The following ESRRA variants were observed in gnomAD, a reference collection of about 807,000 sequenced individuals.
The protein encoded by ESRRA is estrogen related receptor alpha.
In ESRRA, 7 loss-of-function variants were observed where a neutral mutation model predicts 35.6. The observed-to-expected ratio is 0.20, with a 90% CI of 0.11 to 0.37. The LOEUF (loss-of-function observed/expected upper bound fraction) is 0.37, where lower values mean the gene tolerates loss of function less well. ESRRA is among the 10% of genes least tolerant of loss of function. ESRRA has a pLI of 1.00. For missense variants in ESRRA, 378 were observed against 561.7 expected (o/e 0.67, Z 3.31); for synonymous variants, 223 against 246.9 (o/e 0.90, Z 0.91).
intron 4 of ESRRA, 38 bp from the exon 5 acceptor site, chr11:64,314,703 T>C: frequency 6.3e-7 from 1 of 1,583,856 alleles, no homozygotes; most frequent in Non-Finnish European, 8.6e-7. Flanking sequence ...GCCTGACAGA[T>C]TCGAGTGCTC....
intron 2 of ESRRA, among the ~76,000 whole-genome samples, chr11:64,308,885 C>T (rs1261434709): frequency 2.7e-5 from 4 of 150,186 alleles, no homozygotes; most frequent in Admixed American, 2.7e-4. Context: ...GAGGCCGAGA[C>T]GGGCGGATCA....
intron 2 of ESRRA, among the ~76,000 whole-genome samples, chr11:64,312,511 T>C (rs1271901348): frequency 6.6e-6 from 1 of 152,178 alleles, no homozygotes; most frequent in African/African-American, 2.4e-5. Context: ...AGAAATGTGC[T>C]GCGGGCCTGC....
chr11:64,306,383 G>A (rs2035032863), intron 1 of ESRRA: 1 of 152,348 alleles, frequency 6.6e-6, no homozygotes, highest in Non-Finnish European at 1.5e-5. Context: ...GTCGCGAGGA[G>A]GTGGAGCGGC....
intron 2 of ESRRA, among the ~76,000 whole-genome samples, chr11:64,310,427 G>C (rs1372001997): frequency 6.6e-6 from 1 of 151,430 alleles, no homozygotes; most frequent in Non-Finnish European, 1.5e-5. Flanking sequence ...GTAGAGACGG[G>C]GTTTCAGCGT....
intron 6 of ESRRA, 33 bp downstream of exon 6, chr11:64,315,303 G>A: frequency 6.6e-7 from 1 of 1,525,458 alleles, no homozygotes; most frequent in Non-Finnish European, 8.8e-7. Context: ...CAGGTGAGGT[G>A]TCTCCGTAAG....
intron 2 of ESRRA, among the ~76,000 whole-genome samples, chr11:64,307,770 C>T (rs1464481279): frequency 1.3e-5 from 2 of 152,166 alleles, no homozygotes; most frequent in African/African-American, 4.8e-5. Flanking sequence ...TGAAAGAGTC[C>T]AAGGCAGCCT....
In ESRRA at chr11:64,314,297, G is replaced by A; in HGVS notation, c.501G>A (p.Val167=). 6.2e-7 allele frequency: 1 copy of A among 1,611,256 alleles called. No individual in the cohort carries two copies. The highest frequency in any genetic ancestry group is 1.1e-5 in the South Asian group (1 of 90,638). The change falls in exon 4 of 7, where the codon GTG becomes GTA. Residue 167 remains valine (V), a synonymous_variant. Transcript: ENST00000000442. ...AGAAGTACAAGCGGCGGCCGGAGGT[G>A]GACCCACTGCCCTTCCCGGGCCCCT... The part of the protein sequence containing the change: ...GRQKYKRRPE[V]DPLPFPGPFP...
rs1364600564 is a variant in ESRRA at position 64,316,725 on chromosome 11, A to G, written c.*759A>G. The G allele has an allele frequency of 3.1e-5, 20 of 649,656 alleles. No individual in the cohort carries two copies. Among genetic ancestry groups the G allele is most frequent in the Middle Eastern group, 4.2e-4 (1 of 2,386 alleles). 40.2% of individuals were successfully genotyped at this position (649,656 alleles called of 1,614,324 possible). A position where few individuals can be genotyped will look rare whatever the true frequency, so the allele number is the denominator to read the frequency against. Reference sequence around the variant, plus strand: ...TAAACCTTTAATGAGAAAAAAATATATAATACCGAGCTCAAAAACACTGTG... The same window carrying G: ...TAAACCTTTAATGAGAAAAAAATATGTAATACCGAGCTCAAAAACACTGTG... On this transcript the variant is annotated 3_prime_UTR_variant, in exon 7 of 7. Transcript: ENST00000000442.
chr11:64,309,932 C>CAAA (rs35187370), intron 2 of ESRRA, among the ~76,000 whole-genome samples: 4 of 74,536 alleles, frequency 5.4e-5, no homozygotes, highest in African/African-American at 9.8e-5. Flanking sequence ...GAGTTCGTAT[C>CAAA]AAAAAAAAAA....
Position 64,314,416 on chromosome 11 carries a change from T to C in ESRRA, c.571+49T>C, listed in dbSNP as rs761632781. On this transcript the variant is annotated intron_variant, in intron 4 of 6. Transcript: ENST00000000442. ...GGCTACGAAACCGGAGGCCTATGTGTGGCATCATAGTTACCTTGGGCACTG... is the reference window on the plus strand; with the variant it reads ...GGCTACGAAACCGGAGGCCTATGTGCGGCATCATAGTTACCTTGGGCACTG... 2.7e-6 allele frequency: 4 copies of C among 1,492,692 alleles called. No homozygotes were observed. The South Asian group carries it at 5.2e-5, about 19-fold the overall frequency. 92.5% of individuals were successfully genotyped at this position (1,492,692 alleles called of 1,614,324 possible). A position where few individuals can be genotyped will look rare whatever the true frequency, so the allele number is the denominator to read the frequency against.
At position 64,305,593 on chromosome 11, in the gene ESRRA, C is replaced by G. The variant is rs1591237499; in HGVS notation, c.-156C>G. On this transcript the variant is annotated 5_prime_UTR_variant, in exon 1 of 7. Transcript: ENST00000000442. The surrounding 1 kb of genome is among the most constrained non-coding windows in gnomAD (Gnocchi z 5.8). ...TGTGTCCTACAAGCAGCCGGCGGCG[C>G]CGCCGAGTGAGGGGACGCGGCGCGG... The G allele has an allele frequency of 6.6e-6, 1 of 151,228 alleles. No individual in the cohort carries two copies. Among genetic ancestry groups the G allele is most frequent in the Non-Finnish European group, 1.5e-5 (1 of 67,796 alleles). 9.4% of individuals were successfully genotyped at this position (151,228 alleles called of 1,614,324 possible).
In ESRRA at chr11:64,307,198, G is replaced by C. The variant is rs2035051562; in HGVS notation, c.19G>C (p.Gly7Arg). 1 of 1,588,892 alleles carries C rather than the reference G, an allele frequency of 6.3e-7. No individual in the cohort carries two copies. The highest frequency in any genetic ancestry group is 8.6e-7 in the Non-Finnish European group (1 of 1,162,882). The change falls in exon 2 of 7, where the codon GGC (glycine) becomes CGC (arginine). Residue 7 changes from glycine to arginine, a missense_variant. Gly to Arg is a moderately radical substitution (Grantham distance 125). Transcript: ENST00000000442. MSSQVV[G>R]IEPLYIKAEP... ...CAGCGCCATGTCCAGCCAGGTGGTGGGCATTGAGCCTCTCTACATCAAGGC... is the reference window on the plus strand; with the variant it reads ...CAGCGCCATGTCCAGCCAGGTGGTGCGCATTGAGCCTCTCTACATCAAGGC...
At position 64,307,500 on chromosome 11, in the gene ESRRA, C is replaced by A; in HGVS notation, c.321C>A (p.Ile107=). 1 of 1,506,708 alleles carries A rather than the reference C, an allele frequency of 6.6e-7. No homozygotes were observed. Among genetic ancestry groups the A allele is most frequent in the Non-Finnish European group, 8.9e-7 (1 of 1,126,210 alleles). 93.3% of individuals were successfully genotyped at this position (1,506,708 alleles called of 1,614,324 possible). Residue 107 remains isoleucine (I), a synonymous_variant, in exon 2 of 7, where the codon ATC becomes ATA. Transcript: ENST00000000442. The part of the protein sequence containing the change: ...EACKAFFKRT[I]QGSIEYSCPA... ...GCAAAGCCTTCTTCAAGAGGACCATCCAGGGTGAGCCCCCAGCCCACTCCC... is the reference window on the plus strand; with the variant it reads ...GCAAAGCCTTCTTCAAGAGGACCATACAGGGTGAGCCCCCAGCCCACTCCC...
chr11:64,315,668 G>C (rs995656181), intron 6 of ESRRA, 39 bp from the exon 7 acceptor site: 5 of 1,607,978 alleles, frequency 3.1e-6, no homozygotes, highest in Non-Finnish European at 4.3e-6. Context: ...CCTTGCCAGA[G>C]ATAGCCCAGG....
At position 64,315,851 on chromosome 11, in the gene ESRRA, C is replaced by T; in HGVS notation, c.1157C>T (p.Pro386Leu). ...RRAGRLLLTLPLLRQTAGKVL... is the reference protein window; with the variant it reads ...RRAGRLLLTLLLLRQTAGKVL... Reference sequence around the variant, plus strand: ...GCGGGCAGGCTGCTGCTCACGCTACCGCTCCTCCGCCAGACAGCGGGCAAA... The same window carrying T: ...GCGGGCAGGCTGCTGCTCACGCTACTGCTCCTCCGCCAGACAGCGGGCAAA... Residue 386 changes from proline to leucine, a missense_variant, in exon 7 of 7, where the codon CCG becomes CTG. Physicochemically the swap from Pro to Leu is moderately conservative, Grantham distance 98 (BLOSUM62 -3). Transcript: ENST00000000442. 1.9e-6 allele frequency: 3 copies of T among 1,611,088 alleles called. No individual in the cohort carries two copies. The highest frequency in any genetic ancestry group is 2.5e-6 in the Non-Finnish European group (3 of 1,178,762).
At chr11:64,311,582 A>G (rs2035141357) in intron 2 of ESRRA, among the ~76,000 whole-genome samples, 1 of 151,410 alleles carries the variant, frequency 6.6e-6, no homozygotes, top group South Asian at 2.1e-4. Flanking sequence ...CGCACGGCTA[A>G]TTTTGGTATT....
Position 64,315,230 on chromosome 11 carries a change from G to A in ESRRA, c.972G>A (p.Glu324=). 1.2e-6 allele frequency: 2 copies of A among 1,601,360 alleles called. No individual in the cohort carries two copies. The highest frequency in any genetic ancestry group is 1.7e-6 in the Non-Finnish European group (2 of 1,172,720). ...TGCAGGCCCTGCGGCTGGAGCGAGA[G>A]GAGTATGTTCTACTAAAGGCCTTGG... ...RRLQALRLER[E]EYVLLKALAL... Residue 324 remains glutamate (E), a synonymous_variant, in exon 6 of 7, where the codon GAG becomes GAA. Transcript: ENST00000000442.
intron 1 of ESRRA, chr11:64,306,328 G>GT (rs1033772362): frequency 1.0e-3 from 154 of 152,444 alleles, no homozygotes; most frequent in African/African-American, 3.7e-3. Flanking sequence ...CCGGGAGGTG[G>GT]CGGCCTCTGC....
chr11:64,308,143 C>T lies in ESRRA; in HGVS notation c.325+639C>T, dbSNP rs539051534. ...CTGACCACAAATGATCCACCTGCCT[C>T]GGCCTCCCAAAACAAGGCAGATTTT... On this transcript the variant is annotated intron_variant, in intron 2 of 6. Coordinates refer to ENST00000000442, the MANE Select transcript of ESRRA (RefSeq NM_004451.5). Among the ~76,000 whole-genome samples the T allele has an allele frequency of 5.3e-5, 8 of 152,192 alleles. 1 individual carries two copies. The South Asian group carries it at 1.5e-3, about 28-fold the overall frequency.
Sources: allele counts gnomAD v4.1 joint callset (sites outside exome capture counted in the v4.1 genomes callset), GRCh38; gene constraint gnomAD v4.1.1; non-coding constraint Gnocchi (gnomAD v3.1); transcripts MANE v1.5; gene names NCBI Gene and HGNC (gene_info 2026-07-23, HGNC 2026-07-21).